COG5: variants seen among roughly 807,000 people sequenced by gnomAD.
The protein encoded by COG5 is component of oligomeric golgi complex 5, also known as conserved oligomeric Golgi complex subunit 5.
COG5 carries 86 observed loss-of-function variants against 110.4 expected under a neutral mutation model. The ratio of observed to expected loss-of-function variants is 0.78; its 90% confidence interval spans 0.65 to 0.93. The LOEUF is 0.93. COG5 is among the 40% of genes least tolerant of loss of function. The probability of loss-of-function intolerance (pLI) is 0.00; values close to 1 mark genes in which losing one functional copy is unlikely to be tolerated. For synonymous variants in COG5, 360 were observed against 334.6 expected (o/e 1.08, Z -0.83); for missense variants, 1,077 against 987.0 (o/e 1.09, Z -1.22).
chr7:107,237,506 T>C (rs1184260781), intron 17 of COG5, among the ~76,000 whole-genome samples: 1 of 152,156 alleles, frequency 6.6e-6, no homozygotes, highest in Non-Finnish European at 1.5e-5. Flanking sequence ...GAGAATGACG[T>C]AGAGAAATTG....
At chr7:107,528,598 C>A (rs1800947911) in intron 5 of COG5, among the ~76,000 whole-genome samples, 1 of 152,056 alleles carries the variant, frequency 6.6e-6, no homozygotes, top group African/African-American at 2.4e-5. Context: ...TAGAGGGTGA[C>A]ATACTGAATA....
intron 6 of COG5, among the ~76,000 whole-genome samples, chr7:107,503,569 T>C (rs915622026): frequency 1.3e-5 from 2 of 152,222 alleles, no homozygotes; most frequent in African/African-American, 4.8e-5. Flanking sequence ...GGAATTGCAC[T>C]GAATATGTAG....
intron 7 of COG5, among the ~76,000 whole-genome samples, chr7:107,388,642 A>G (rs966497126): frequency 2.0e-5 from 3 of 152,224 alleles, no homozygotes; most frequent in Non-Finnish European, 4.4e-5. Flanking sequence ...TCAGCTGTAG[A>G]AAAGCACTTT....
At chr7:107,258,801 G>A (rs1431905440) in intron 14 of COG5, among the ~76,000 whole-genome samples, 2 of 151,672 alleles carry the variant, frequency 1.3e-5, no homozygotes, top group Admixed American at 6.6e-5. Context: ...AAATAAGCCC[G>A]CAAAAAAAGG....
rs575439203 is a variant in COG5, at chr7:107,238,609, C to T, written c.1854-1922G>A. On this transcript the variant is annotated intron_variant, in intron 17 of 21. Transcript: ENST00000297135. Reference sequence around the variant, plus strand: ...CCATAATGGCTGCCTAATTTACATTCCAACCACAGTATACAAGGGTTCCCT... The same window carrying T: ...CCATAATGGCTGCCTAATTTACATTTCAACCACAGTATACAAGGGTTCCCT... 1.9e-4 allele frequency among the ~76,000 whole-genome samples: 29 copies of T among 152,314 alleles called. No homozygotes were observed. In the East Asian group the frequency reaches 5.0e-3, roughly 26 times the overall value.
intron 6 of COG5, among the ~76,000 whole-genome samples, chr7:107,417,346 C>T (rs905787675): frequency 6.6e-5 from 10 of 152,098 alleles, no homozygotes; most frequent in African/African-American, 2.4e-4. Flanking sequence ...TACTTATTTA[C>T]AATGTCTTCT....
At chr7:107,274,124 C>T (rs1260991093) in intron 14 of COG5, among the ~76,000 whole-genome samples, 1 of 152,096 alleles carries the variant, frequency 6.6e-6, no homozygotes, top group East Asian at 1.9e-4. Flanking sequence ...GAGCGTCCAT[C>T]TTTGGGAATA....
At chr7:107,527,447 G>A (rs553292587) in intron 5 of COG5, 90 bp from the exon 6 acceptor site, 3 of 1,404,486 alleles carry the variant, frequency 2.1e-6, no homozygotes, top group Non-Finnish European at 3.0e-6. Context: ...GGGTTGATAG[G>A]TGCAGCAAAC....
At chr7:107,340,551 T>C (rs1195471956) in intron 10 of COG5, among the ~76,000 whole-genome samples, 1 of 152,126 alleles carries the variant, frequency 6.6e-6, no homozygotes. Context: ...ATCACCCTGA[T>C]ATCAAAATGT....
At chr7:107,249,696 G>C (rs80050992) in intron 16 of COG5, among the ~76,000 whole-genome samples, 2,618 of 55,306 alleles carry the variant, frequency 0.047, 37 homozygotes, top group East Asian at 0.11. Flanking sequence ...AGGATTGTGT[G>C]TGTGTGTGTG....
intron 6 of COG5, among the ~76,000 whole-genome samples, chr7:107,419,601 CTT>C: frequency 6.7e-6 from 1 of 149,230 alleles, no homozygotes; most frequent in South Asian, 2.1e-4. Flanking sequence ...GAGTTTCACT[CTT>C]GTCGCCCAGG....
intron 10 of COG5, among the ~76,000 whole-genome samples, chr7:107,332,306 A>T (rs1465335365): frequency 6.6e-6 from 1 of 152,200 alleles, no homozygotes; most frequent in Non-Finnish European, 1.5e-5. Context: ...GGAATAAATC[A>T]ATTAAAAGTT....
At chr7:107,543,282 A>G (rs1309285625) in intron 5 of COG5, among the ~76,000 whole-genome samples, 1 of 152,212 alleles carries the variant, frequency 6.6e-6, no homozygotes. Flanking sequence ...ACAGTATTAC[A>G]TTACCTGCGT....
At chr7:107,495,426 T>C (rs1400962017) in intron 6 of COG5, among the ~76,000 whole-genome samples, 1 of 152,096 alleles carries the variant, frequency 6.6e-6, no homozygotes, top group Non-Finnish European at 1.5e-5. Context: ...ACAAGTTAAA[T>C]TTGTTCTACA....
At chr7:107,475,364 G>C in intron 6 of COG5, 2 of 1,382,306 alleles carry the variant, frequency 1.4e-6, no homozygotes, top group Non-Finnish European at 9.8e-7. Context: ...ACAGACTAGA[G>C]AAAAGTCTCA....
chr7:107,367,401 C>T (rs111491771), intron 8 of COG5, among the ~76,000 whole-genome samples: 63 of 152,096 alleles, frequency 4.1e-4, no homozygotes, highest in African/African-American at 1.5e-3. Flanking sequence ...GTACATCTAC[C>T]ATTCGATCCA....
intron 14 of COG5, among the ~76,000 whole-genome samples, chr7:107,268,020 G>T (rs1803942115): frequency 6.6e-6 from 1 of 152,202 alleles, no homozygotes; most frequent in Admixed American, 6.5e-5. Context: ...CCAGGCTGAA[G>T]TGCAATGGCA....
intron 5 of COG5, among the ~76,000 whole-genome samples, chr7:107,544,959 C>T (rs1179028885): frequency 1.3e-5 from 2 of 152,002 alleles, no homozygotes; most frequent in Non-Finnish European, 2.9e-5. Context: ...ATGAACCAAA[C>T]TGAAATTCTG....
rs186512876 is a variant in COG5 at position 107,281,305 on chromosome 7, G to A, written c.1570C>T (p.Gln524Ter). The change falls in exon 14 of 22, where the codon CAG becomes TAG. Residue 524 changes from glutamine (Q) to a stop codon, truncating the protein, a stop_gained. Coordinates refer to ENST00000297135, the MANE Select transcript of COG5 (RefSeq NM_006348.5). LOFTEE classifies it high-confidence loss of function. Reference protein sequence around the residue: ...TIQLYSVKSEQLLSTQGDASQ... With the variant: ...TIQLYSVKSE ...AGATAAAGGAAACCACTTACAAGCT[G>A]CTCTGATTTTACACTGTATAACTGG... 2 of 1,606,846 alleles carry A rather than the reference G, an allele frequency of 1.2e-6. No individual in the cohort carries two copies. The highest frequency in any genetic ancestry group is 1.7e-5 in the Admixed American group (1 of 60,000).
Sources: gnomAD v4.1 joint callset for allele counts (sites outside exome capture counted in the v4.1 genomes callset) on GRCh38, gnomAD v4.1.1 for gene constraint, MANE v1.5 for transcripts, NCBI Gene and HGNC (gene_info 2026-07-23, HGNC 2026-07-21) for gene names.